CPAP: variants seen among roughly 807,000 people sequenced by gnomAD.
The protein encoded by CPAP is centrosome assembly and centriole elongation protein.
At chr13:24,907,911 G>A in the CPAP span, 1 of 863,736 alleles carries the variant, frequency 1.2e-6, no homozygotes. Context: ...GCATAGTCAA[G>A]CAAAAACCAG....
At chr13:24,905,787 T>C in the CPAP span, 2 of 1,614,034 alleles carry the variant, frequency 1.2e-6, no homozygotes, top group African/African-American at 1.3e-5. Flanking sequence ...ACATCTCTCC[T>C]TTTATCTTCT....
the CPAP span, chr13:24,906,095 T>G: frequency 7.4e-6 from 12 of 1,612,870 alleles, no homozygotes; most frequent in Non-Finnish European, 9.3e-6. Flanking sequence ...ACACTCACTC[T>G]CCTTCTCACG....
the CPAP span, chr13:24,892,795 T>C: frequency 1.9e-6 from 3 of 1,613,820 alleles, no homozygotes; most frequent in Non-Finnish European, 2.5e-6. Flanking sequence ...CTGAGACGGC[T>C]GTGTGTACTT....
chr13:24,907,327 AC>A, the CPAP span: 667 of 703,686 alleles, frequency 9.5e-4, 7 homozygotes, highest in African/African-American at 0.01. Context: ...CCCTTTGAGA[AC>A]CTAACAAAAG....
the CPAP span, chr13:24,889,118 C>T: frequency 1.7e-6 from 1 of 586,324 alleles, no homozygotes; most frequent in Admixed American, 3.0e-5. Flanking sequence ...TAATTTAAAA[C>T]CGAAGCATGG....
the CPAP span, among the ~76,000 whole-genome samples, chr13:24,892,206 A>G: frequency 4.9e-3 from 748 of 152,326 alleles, 6 homozygotes; most frequent in Non-Finnish European, 6.8e-3. Flanking sequence ...TACTTGATTA[A>G]AAAGTGTCAT....
the CPAP span, among the ~76,000 whole-genome samples, chr13:24,903,712 G>T: frequency 6.6e-6 from 1 of 152,130 alleles, no homozygotes; most frequent in Non-Finnish European, 1.5e-5. Flanking sequence ...TTTAATTTAT[G>T]ATCTCTCCAC....
the CPAP span, among the ~76,000 whole-genome samples, chr13:24,915,876 G>C: frequency 2.6e-5 from 4 of 152,334 alleles, no homozygotes; most frequent in Admixed American, 2.6e-4. Context: ...AGTGATGAAA[G>C]TGTTTCGAGG....
the CPAP span, among the ~76,000 whole-genome samples, chr13:24,930,308 T>A: frequency 3.9e-5 from 6 of 152,188 alleles, no homozygotes; most frequent in African/African-American, 9.6e-5. Context: ...TTTATTTTTT[T>A]AAATAATTTC....
the CPAP span, chr13:24,882,387 C>T: frequency 6.6e-6 from 1 of 151,914 alleles, no homozygotes; most frequent in Non-Finnish European, 1.5e-5. Context: ...TCTATCTAGA[C>T]CAATCTGTAA....
the CPAP span, chr13:24,924,715 T>C: frequency 6.6e-6 from 1 of 152,240 alleles, no homozygotes; most frequent in East Asian, 1.9e-4. Flanking sequence ...CCCGTTCTGA[T>C]ACAATTCTTT....
chr13:24,910,809 A>T, the CPAP span, among the ~76,000 whole-genome samples: 3 of 152,238 alleles, frequency 2.0e-5, no homozygotes, highest in Non-Finnish European at 4.4e-5. Context: ...TTCCATAAAG[A>T]AACCCTAAGC....
chr13:24,899,134 A>G, the CPAP span, among the ~76,000 whole-genome samples: 1 of 152,190 alleles, frequency 6.6e-6, no homozygotes, highest in Non-Finnish European at 1.5e-5. Flanking sequence ...ACACAACATA[A>G]TGCTGGTGAA....
chr13:24,899,122 T>C, the CPAP span, among the ~76,000 whole-genome samples: 1 of 152,160 alleles, frequency 6.6e-6, no homozygotes, highest in Non-Finnish European at 1.5e-5. Context: ...TCAAAAAGAT[T>C]AACACAACAT....
At chr13:24,906,150 G>C in the CPAP span, 1 of 1,613,746 alleles carries the variant, frequency 6.2e-7, no homozygotes, top group Non-Finnish European at 8.5e-7. Context: ...TGACTAATGG[G>C]ATCTGCCGGA....
the CPAP span, among the ~76,000 whole-genome samples, chr13:24,929,613 T>C: frequency 3.3e-5 from 5 of 152,350 alleles, no homozygotes; most frequent in Admixed American, 3.3e-4. Context: ...GAGTTTATCA[T>C]ACTTGAAGTT....
At chr13:24,893,401 G>C in the CPAP span, among the ~76,000 whole-genome samples, 1 of 152,220 alleles carries the variant, frequency 6.6e-6, no homozygotes, top group East Asian at 1.9e-4. Flanking sequence ...TCGAGATCAC[G>C]TGCAGCTGCA....
chr13:24,921,309 G>GA, the CPAP span, among the ~76,000 whole-genome samples: 7 of 151,950 alleles, frequency 4.6e-5, no homozygotes, highest in African/African-American at 1.7e-4. Flanking sequence ...CTTTCTCGAA[G>GA]AGCGACAGAT....
chr13:24,883,621 C>T, the CPAP span, among the ~76,000 whole-genome samples: 1 of 152,090 alleles, frequency 6.6e-6, no homozygotes, highest in African/African-American at 2.4e-5. Context: ...AACTTGTGTT[C>T]TTCCTTTTGG....
Sources: gnomAD v4.1 joint callset for allele counts (sites outside exome capture counted in the v4.1 genomes callset) on GRCh38, gnomAD v4.1.1 for gene constraint, MANE v1.5 for transcripts, NCBI Gene and HGNC (gene_info 2026-07-23, HGNC 2026-07-21) for gene names.